Variants in POU2F1 observed in about 807,000 individuals in gnomAD.
POU2F1 encodes the protein POU class 2 homeobox 1.
A neutral mutation model predicts 84.9 loss-of-function variants in POU2F1; 16 were observed. The observed-to-expected ratio is 0.19, with a 90% CI of 0.13 to 0.29. POU2F1 has a LOEUF of 0.29. Among genes scored for constraint, POU2F1 ranks in the 10% least tolerant of loss-of-function variants. The pLI is 1.00. For synonymous variants in POU2F1, 368 were observed against 368.3 expected (o/e 1.00, Z 0.01); for missense variants, 738 against 942.6 (o/e 0.78, Z 2.84).
At chr1:167,259,747 C>A (rs2102429403) in intron 1 of POU2F1, among the ~76,000 whole-genome samples, 1 of 152,214 alleles carries the variant, frequency 6.6e-6, no homozygotes, top group South Asian at 2.1e-4. Flanking sequence ...CTTATTGCAC[C>A]ACATCTTTGC....
chr1:167,310,319 A>T (rs1467616927), intron 1 of POU2F1, among the ~76,000 whole-genome samples: 2 of 152,116 alleles, frequency 1.3e-5, no homozygotes, highest in East Asian at 3.8e-4. Flanking sequence ...AAGGCCAAAT[A>T]TATCAGTAAT....
chr1:167,242,913 T>A (rs1650015718), intron 1 of POU2F1, among the ~76,000 whole-genome samples: 1 of 152,114 alleles, frequency 6.6e-6, no homozygotes. Context: ...ATACGTATAT[T>A]CTCATTCTCC....
At chr1:167,285,759 G>T (rs1351456648) in intron 1 of POU2F1, among the ~76,000 whole-genome samples, 1 of 152,066 alleles carries the variant, frequency 6.6e-6, no homozygotes, top group East Asian at 1.9e-4. Flanking sequence ...ATTTCTTTGT[G>T]CAAGGCGCTG....
chr1:167,318,575 G>T (rs1656084328), intron 1 of POU2F1, among the ~76,000 whole-genome samples: 1 of 152,158 alleles, frequency 6.6e-6, no homozygotes, highest in African/African-American at 2.4e-5. Context: ...TCAATTATAA[G>T]AGCAGATTTA....
intron 4 of POU2F1, among the ~76,000 whole-genome samples, chr1:167,370,982 A>G (rs1020029887): frequency 7.9e-5 from 12 of 152,200 alleles, no homozygotes; most frequent in Admixed American, 2.6e-4. Context: ...TCAAGAGGGA[A>G]AGACAGTATT....
chr1:167,244,945 TTAA>T (rs1650200997), intron 1 of POU2F1, among the ~76,000 whole-genome samples: 1 of 152,212 alleles, frequency 6.6e-6, no homozygotes, highest in South Asian at 2.1e-4. Context: ...GAGAGGGATC[TTAA>T]TACTACATAG....
chr1:167,370,090 A>G (rs1230915229), intron 3 of POU2F1, 71 bp from the exon 4 acceptor site: 1 of 1,321,386 alleles, frequency 7.6e-7, no homozygotes, highest in Non-Finnish European at 1.1e-6. Flanking sequence ...AGTAGACTTT[A>G]TTTAGTGATG....
At chr1:167,283,288 C>T (rs1007472737) in intron 1 of POU2F1, among the ~76,000 whole-genome samples, 1 of 151,410 alleles carries the variant, frequency 6.6e-6, no homozygotes, top group African/African-American at 2.4e-5. Flanking sequence ...TGTAAAAAGC[C>T]ATTACCAACA....
intron 1 of POU2F1, among the ~76,000 whole-genome samples, chr1:167,222,124 G>A (rs1308178575): frequency 6.6e-6 from 1 of 152,014 alleles, no homozygotes; most frequent in Admixed American, 6.6e-5. Context: ...GAGGCCTCCC[G>A]AGAACTTGGA....
At chr1:167,240,634 A>G (rs1649829815) in intron 1 of POU2F1, among the ~76,000 whole-genome samples, 1 of 152,212 alleles carries the variant, frequency 6.6e-6, no homozygotes, top group African/African-American at 2.4e-5. Context: ...TGTTTCCTAG[A>G]TAACTGAAAA....
intron 8 of POU2F1, among the ~76,000 whole-genome samples, chr1:167,385,827 G>A (rs1376316902): frequency 6.6e-6 from 1 of 152,184 alleles, no homozygotes; most frequent in African/African-American, 2.4e-5. Context: ...GAAAACCACA[G>A]ATGGGGAGAA....
intron 7 of POU2F1, among the ~76,000 whole-genome samples, chr1:167,382,092 A>G (rs112994966): frequency 3.3e-5 from 5 of 152,198 alleles, no homozygotes; most frequent in Non-Finnish European, 7.3e-5. Context: ...GCTGTGTCAT[A>G]TAGTGCTCTG....
At chr1:167,222,287 C>T (rs965189621) in intron 1 of POU2F1, among the ~76,000 whole-genome samples, 5 of 152,140 alleles carry the variant, frequency 3.3e-5, no homozygotes, top group African/African-American at 4.8e-5. Context: ...GCTGGGTCGT[C>T]TTTACTCTCT....
intron 1 of POU2F1, among the ~76,000 whole-genome samples, chr1:167,275,045 T>C (rs1199230900): frequency 6.7e-6 from 1 of 150,094 alleles, no homozygotes; most frequent in Non-Finnish European, 1.5e-5. Flanking sequence ...TTTTTTTTTT[T>C]TTTTTTTTGA....
intron 9 of POU2F1, among the ~76,000 whole-genome samples, chr1:167,394,725 A>G (rs1333305593): frequency 9.9e-5 from 15 of 152,170 alleles, no homozygotes; most frequent in Admixed American, 9.8e-4. Context: ...CAATCACTTG[A>G]AGTTCAGGTA....
chr1:167,400,280 G>A (rs1401537562), intron 12 of POU2F1, among the ~76,000 whole-genome samples: 1 of 152,088 alleles, frequency 6.6e-6, no homozygotes, highest in African/African-American at 2.4e-5. Context: ...ACAGGTGTGA[G>A]CCACTGCGCC....
At chr1:167,221,178 G>C (rs551560456) in intron 1 of POU2F1, among the ~76,000 whole-genome samples, 12 of 151,506 alleles carry the variant, frequency 7.9e-5, no homozygotes, top group Non-Finnish European at 1.5e-4. Flanking sequence ...GGCAAAGGGG[G>C]CTGCGATCCA....
chr1:167,299,389 A>G (rs575223842), intron 1 of POU2F1, among the ~76,000 whole-genome samples: 14 of 152,302 alleles, frequency 9.2e-5, no homozygotes, highest in African/African-American at 3.4e-4. Flanking sequence ...TCATCTTTAC[A>G]TACATATTTA....
chr1:167,221,549 G>A (rs1306153801), intron 1 of POU2F1, among the ~76,000 whole-genome samples: 1 of 149,544 alleles, frequency 6.7e-6, no homozygotes, highest in Admixed American at 6.6e-5. Context: ...CCCCGGGAGC[G>A]GGCCCGGGCG....
Sources: gnomAD v4.1 joint callset for allele counts (sites outside exome capture counted in the v4.1 genomes callset) on GRCh38, gnomAD v4.1.1 for gene constraint, MANE v1.5 for transcripts, NCBI Gene and HGNC (gene_info 2026-07-23, HGNC 2026-07-21) for gene names.